SRGAP3: variants seen among roughly 807,000 people sequenced by gnomAD.
SRGAP3 encodes SLIT-ROBO Rho GTPase-activating protein 3.
In SRGAP3, 39 loss-of-function variants were observed where a neutral mutation model predicts 121.1. The observed-to-expected ratio is 0.32, with a 90% CI of 0.25 to 0.42. The LOEUF (loss-of-function observed/expected upper bound fraction) is 0.42, where lower values mean the gene tolerates loss of function less well. Among genes scored for constraint, SRGAP3 ranks in the 10% least tolerant of loss-of-function variants. The probability of loss-of-function intolerance (pLI) is 1.00; values close to 1 mark genes in which losing one functional copy is unlikely to be tolerated. For missense variants in SRGAP3, 1,213 were observed against 1,470.6 expected, an observed-to-expected ratio of 0.82 and a Z score of 2.86; for synonymous variants, 601 against 570.0, an observed-to-expected ratio of 1.05 and a Z score of -0.77.
intron 1 of SRGAP3, among the ~76,000 whole-genome samples, chr3:9,183,966 G>A (rs1344253440): frequency 6.6e-6 from 1 of 151,988 alleles, no homozygotes; most frequent in African/African-American, 2.4e-5. Context: ...TTCTCAGCTT[G>A]CAAGCTCCTC....
At chr3:9,294,534 A>C (rs369939582) in intron 3 of SRGAP3, among the ~76,000 whole-genome samples, 17 of 97,432 alleles carry the variant, frequency 1.7e-4, no homozygotes, top group African/African-American at 5.3e-4. Flanking sequence ...TAAAAGTAAA[A>C]AAACAAACAA....
intron 1 of SRGAP3, among the ~76,000 whole-genome samples, chr3:9,236,506 A>C (rs995579930): frequency 2.0e-5 from 3 of 152,180 alleles, no homozygotes; most frequent in Admixed American, 6.5e-5. Context: ...GTTTAGCACC[A>C]TCACTTTGGT....
chr3:8,983,592 T>C lies in SRGAP3; in HGVS notation c.*1927A>G, dbSNP rs1941532584. ...TGTTAATGATGGAATCCAGGGCTCT[T>C]ATTAGGATGGCAGGAAAATTCCACT... On this transcript the variant is annotated 3_prime_UTR_variant, in exon 22 of 22. Coordinates refer to ENST00000383836, the MANE Select transcript of SRGAP3 (RefSeq NM_014850.4). The C allele has an allele frequency of 4.3e-6, 1 of 231,280 alleles. No individual in the cohort carries two copies. Among genetic ancestry groups the C allele is most frequent in the Non-Finnish European group, 8.6e-6 (1 of 116,834 alleles). The allele number at this position is 231,280 out of a possible 1,614,324, so 14.3% of individuals were successfully genotyped here. A position where few individuals can be genotyped will look rare whatever the true frequency, so the allele number is the denominator to read the frequency against.
At chr3:9,347,440 T>A (rs1020162421) in intron 1 of SRGAP3, among the ~76,000 whole-genome samples, 6 of 152,168 alleles carry the variant, frequency 3.9e-5, no homozygotes, top group African/African-American at 1.4e-4. Context: ...GAAGAATATA[T>A]GCAGGACTCT....
intron 12 of SRGAP3, 29 bp from the exon 13 acceptor site, chr3:9,027,024 T>C (rs1013739570): frequency 1.2e-6 from 2 of 1,610,824 alleles, no homozygotes; most frequent in Non-Finnish European, 1.7e-6. Context: ...GTGAGTTTTA[T>C]GGGGCTTGAC....
In SRGAP3 at chr3:9,027,028, G is replaced by A. The variant is rs200737176; in HGVS notation, c.1540-33C>T. 121 of 1,602,224 alleles carry A rather than the reference G, an allele frequency of 7.6e-5. 1 individual carries two copies. In the African/African-American group the frequency reaches 1.5e-3, roughly 20 times the overall value. On this transcript the variant is annotated intron_variant, in intron 12 of 21. Transcript: ENST00000383836. ...AAAGAAAAATTGTGAGTTTTATGGG[G>A]CTTGACAACCACCACAGGAAAAAGA...
chr3:9,172,082 CTTTTTCTT>C (rs1162939361), intron 1 of SRGAP3, among the ~76,000 whole-genome samples: 14 of 144,686 alleles, frequency 9.7e-5, no homozygotes, highest in African/African-American at 3.0e-4. Context: ...TTCCAAATGA[CTTTTTCTT>C]TTCTTTTTTT....
chr3:8,982,007 C>G lies in SRGAP3; in HGVS notation c.*3512G>C. The G allele has an allele frequency of 4.4e-6, 1 of 226,106 alleles. No homozygotes were observed. The highest frequency in any genetic ancestry group is 8.8e-6 in the Non-Finnish European group (1 of 113,590). The allele number at this position is 226,106 out of a possible 1,614,324, so 14.0% of individuals were successfully genotyped here. ...GAATTTTTCATAGAATCCCACAGCT[C>G]AGAGCAGCTCTTTAAGAGGAAAAGG... is the stretch of plus-strand genomic sequence containing the variant. On this transcript the variant is annotated 3_prime_UTR_variant, in exon 22 of 22. Coordinates refer to ENST00000383836, the MANE Select transcript of SRGAP3 (RefSeq NM_014850.4).
chr3:9,343,082 A>T (rs1299824375), intron 1 of SRGAP3, among the ~76,000 whole-genome samples: 2 of 152,204 alleles, frequency 1.3e-5, no homozygotes, highest in East Asian at 3.8e-4. Flanking sequence ...TTCAAACTGC[A>T]CACATGCAAA....
intron 18 of SRGAP3, among the ~76,000 whole-genome samples, chr3:8,999,258 T>C (rs996458612): frequency 1.7e-4 from 26 of 152,162 alleles, no homozygotes; most frequent in Admixed American, 6.5e-5. Flanking sequence ...GTGGAGGGAT[T>C]GGAGGGGAGA....
intron 1 of SRGAP3, among the ~76,000 whole-genome samples, chr3:9,200,725 G>A (rs1450293230): frequency 2.0e-5 from 3 of 152,156 alleles, no homozygotes; most frequent in East Asian, 1.9e-4. Flanking sequence ...ATTGTTCTGC[G>A]CAGTCCAAAG....
chr3:9,075,428 T>C (rs1946928787), intron 4 of SRGAP3, among the ~76,000 whole-genome samples: 1 of 152,114 alleles, frequency 6.6e-6, no homozygotes, highest in Non-Finnish European at 1.5e-5. Flanking sequence ...CATGCTAGCA[T>C]GTTTTAAAGA....
intron 3 of SRGAP3, 38 bp from the exon 4 acceptor site, chr3:9,080,125 T>G (rs761272844): frequency 6.2e-7 from 1 of 1,609,040 alleles, no homozygotes; most frequent in Non-Finnish European, 8.5e-7. Context: ...GGGGGAGAAG[T>G]TTGCTGGCTA....
At chr3:9,258,646 A>G (rs1354247170) in intron 3 of SRGAP3, among the ~76,000 whole-genome samples, 1 of 152,230 alleles carries the variant, frequency 6.6e-6, no homozygotes. Flanking sequence ...CTTTATAGAC[A>G]CTAGCTCTCT....
chr3:9,120,074 A>C (rs1948948431), intron 2 of SRGAP3, among the ~76,000 whole-genome samples: 2 of 152,202 alleles, frequency 1.3e-5, no homozygotes, highest in East Asian at 3.9e-4. Flanking sequence ...CAATCATTGG[A>C]TTATAGCTGG....
At chr3:9,034,322 T>C (rs559447439) in intron 11 of SRGAP3, 1 of 152,314 alleles carries the variant, frequency 6.6e-6, no homozygotes, top group Admixed American at 6.5e-5. Context: ...ACAGATAATG[T>C]CCACACATGA....
At chr3:9,173,843 G>C (rs1261924348) in intron 1 of SRGAP3, among the ~76,000 whole-genome samples, 1 of 152,152 alleles carries the variant, frequency 6.6e-6, no homozygotes, top group Non-Finnish European at 1.5e-5. Flanking sequence ...ACATCTATTG[G>C]TGTTTGCTTC....
At chr3:9,312,684 G>C (rs1257983043) in intron 3 of SRGAP3, among the ~76,000 whole-genome samples, 2 of 152,148 alleles carry the variant, frequency 1.3e-5, no homozygotes, top group Non-Finnish European at 2.9e-5. Flanking sequence ...GTAGCCAAAG[G>C]TTCTTTTAAA....
In SRGAP3 at chr3:9,351,269, G is replaced by C. The variant is rs569856911; in HGVS notation, n.214+11571C>G. Among the ~76,000 whole-genome samples the C allele has an allele frequency of 2.0e-4, 30 of 152,212 alleles. 1 individual carries two copies. Among genetic ancestry groups the C allele is most frequent in the South Asian group, 1.5e-3 (7 of 4,802 alleles). On this transcript the variant is annotated intron_variant and non_coding_transcript_variant, in intron 1 of 3. Transcript: ENST00000490889. The stretch of plus-strand genomic sequence containing the variant: ...GAAGAATTGTTGAAAAACCTTTGTA[G>C]GCAATCTACTTCATTTGCCATGTGC...
Sources: allele counts gnomAD v4.1 joint callset (sites outside exome capture counted in the v4.1 genomes callset), GRCh38; gene constraint gnomAD v4.1.1; transcripts MANE v1.5; gene names NCBI Gene and HGNC (gene_info 2026-07-23, HGNC 2026-07-21).